Variants in KIF7 observed in about 807,000 individuals in gnomAD.
KIF7 encodes kinesin-like protein KIF7.
Under a neutral mutation model 135.7 loss-of-function variants are expected in KIF7, and 104 were observed. The observed-to-expected ratio is 0.77, with a 90% CI of 0.65 to 0.90. The LOEUF (loss-of-function observed/expected upper bound fraction) is 0.90, where lower values mean the gene tolerates loss of function less well. Ranked by LOEUF, KIF7 falls within the 40% of genes least tolerant of loss-of-function variation. The pLI is 0.00. For synonymous variants in KIF7, 883 were observed against 809.4 expected, an observed-to-expected ratio of 1.09 and a Z score of -1.54; for missense variants, 2,005 against 1,839.1, an observed-to-expected ratio of 1.09 and a Z score of -1.65.
Position 89,633,689 on chromosome 15 carries a change from G to C in KIF7, c.2589C>G (p.Val863=). The change falls in exon 12 of 19, where the codon GTC becomes GTG. Residue 863 remains valine, a synonymous_variant. Coordinates refer to ENST00000394412, the MANE Select transcript of KIF7 (RefSeq NM_198525.3). Reference sequence around the variant, plus strand: ...CCCACCCTGCCGTGAGCCTGACCTTGACGCGGTGCTGCCGCTTGCTCATTT... The same window carrying C: ...CCCACCCTGCCGTGAGCCTGACCTTCACGCGGTGCTGCCGCTTGCTCATTT... ...EAEMSKRQHR[V]KELELKHEQQ... The C allele has an allele frequency of 6.2e-7, 1 of 1,606,798 alleles. No individual in the cohort carries two copies. The highest frequency in any genetic ancestry group is 8.5e-7 in the Non-Finnish European group (1 of 1,179,756).
rs749893989 is a variant in KIF7 at position 89,645,951 on chromosome 15, C to T, written c.1864G>A (p.Ala622Thr). The T allele has an allele frequency of 6.2e-7, 1 of 1,613,898 alleles. No individual in the cohort carries two copies. ...VNRLGSGSSA[A>T]SEEEEEEEEP... ...TCCTCCTCCTCTTCCTCCTCTGAAG[C>T]AGCTGAAGAGCCACTTCCCAGCCTG... Residue 622 changes from alanine (A) to threonine (T), a missense_variant, in exon 8 of 19, where the codon GCT becomes ACT. Physicochemically the swap from Ala to Thr is moderately conservative, Grantham distance 58. Transcript: ENST00000394412.
chr15:89,631,141 AAC>A, intron 15 of KIF7: 1 of 298,936 alleles, frequency 3.3e-6, no homozygotes, highest in South Asian at 5.5e-5. Context: ...CTGCTCAGGG[AAC>A]ACAGATGTGT....
downstream of KIF7, chr15:89,627,084 T>A: frequency 6.2e-7 from 1 of 1,614,022 alleles, no homozygotes; most frequent in Non-Finnish European, 8.5e-7. Flanking sequence ...GGAGGACTTA[T>A]AGCCACAAAC....
In KIF7 at chr15:89,629,136, G is replaced by C; in HGVS notation, c.3518-14C>G. The C allele has an allele frequency of 6.2e-7, 1 of 1,610,848 alleles. No individual in the cohort carries two copies. Among genetic ancestry groups the C allele is most frequent in the Non-Finnish European group, 8.5e-7 (1 of 1,179,524 alleles). On this transcript the variant is annotated splice_polypyrimidine_tract_variant and intron_variant, in intron 17 of 18. Coordinates refer to ENST00000394412, the MANE Select transcript of KIF7 (RefSeq NM_198525.3). ...CACCGAGGTGGTCTAGAGTGGAAAG[G>C]TCGAGGAGAGGGTGGTGAGGGCTGC...
rs142747773 is a variant in KIF7 at position 89,628,272 on chromosome 15, C to A, written c.*147G>T. On this transcript the variant is annotated 3_prime_UTR_variant, in exon 19 of 19. Coordinates refer to ENST00000394412, the MANE Select transcript of KIF7 (RefSeq NM_198525.3). ...GGGTCCAGTTCTTTTGGGCCATGGC[C>A]CAAATTTGTTGATCCCAGTGAGGGT... The A allele has an allele frequency of 3.4e-4, 339 of 1,008,458 alleles. 7 individuals are homozygous for A. In the East Asian group the frequency reaches 8.5e-3, roughly 25 times the overall value. The allele number at this position is 1,008,458 out of a possible 1,614,324, so 62.5% of individuals were successfully genotyped here. A position where few individuals can be genotyped will look rare whatever the true frequency, so the allele number is the denominator to read the frequency against.
chr15:89,621,865 C>T (rs990500044), intron 1 of KIF7, among the ~76,000 whole-genome samples: 5 of 151,948 alleles, frequency 3.3e-5, no homozygotes, highest in African/African-American at 7.3e-5. Flanking sequence ...TCATCTTTTC[C>T]GTTTGATTGC....
intron 18 of KIF7, 50 bp from the exon 19 acceptor site, chr15:89,628,836 C>G: frequency 1.2e-6 from 2 of 1,611,738 alleles, no homozygotes; most frequent in Non-Finnish European, 1.7e-6. Context: ...GCAACACCTT[C>G]CCGAAGCCCT....
rs745496315 is a variant in KIF7, at chr15:89,628,793, T to C, written c.3665-7A>G. On this transcript the variant is annotated splice_polypyrimidine_tract_variant and splice_region_variant and intron_variant, in intron 18 of 18. Transcript: ENST00000394412. ...AGGCTCCTCTTCTCCCCACCTGTCA[T>C]GGAGAGTAACGTGTCCTCATCAGAA... The C allele has an allele frequency of 3.1e-6, 5 of 1,611,706 alleles. No homozygotes were observed. The highest frequency in any genetic ancestry group is 4.2e-6 in the Non-Finnish European group (5 of 1,179,986).
At position 89,631,566 on chromosome 15, in the gene KIF7, TCTC is replaced by T. The variant is rs1567058573; in HGVS notation, c.3037_3039del (p.Glu1013del). ...AGGCGCTGCTTGAGCAGCGAGTCCT[TCTC>T]CTGGCGCAGGCTGTCGATCTCCCCG... On this transcript the variant is annotated inframe_deletion, in exon 15 of 19. Transcript: ENST00000394412. 7 of 1,572,946 alleles carry T rather than the reference TCTC, an allele frequency of 4.5e-6. No homozygotes were observed. Among genetic ancestry groups the T allele is most frequent in the Non-Finnish European group, 6.0e-6 (7 of 1,157,928 alleles).
At chr15:89,647,787 G>T in intron 5 of KIF7, 75 bp from the exon 6 acceptor site, 1 of 1,145,500 alleles carries the variant, frequency 8.7e-7, no homozygotes, top group Non-Finnish European at 1.2e-6. Context: ...TTCTTGTTTA[G>T]CCCTGCTTTC....
chr15:89,630,569 C>A (rs1471290492), intron 15 of KIF7, 76 bp from the exon 16 acceptor site: 4 of 1,238,566 alleles, frequency 3.2e-6, no homozygotes, highest in Non-Finnish European at 4.6e-6. Flanking sequence ...ATGCAACAGC[C>A]AACACGTAGC....
chr15:89,626,087 C>T (rs764779099), downstream of KIF7: 3 of 1,609,032 alleles, frequency 1.9e-6, no homozygotes, highest in South Asian at 2.2e-5. Context: ...GGTCTAGGAC[C>T]CTTTCCTGTG....
At chr15:89,624,367 C>T, downstream of KIF7, 1 of 1,614,036 alleles carries the variant, frequency 6.2e-7, no homozygotes. Flanking sequence ...AGCTGCATCT[C>T]TCTCCTGCCC....
At chr15:89,622,217 C>G (rs1299126760) in intron 1 of KIF7, among the ~76,000 whole-genome samples, 1 of 152,070 alleles carries the variant, frequency 6.6e-6, no homozygotes, top group Non-Finnish European at 1.5e-5. Flanking sequence ...AACTCCTGAC[C>G]TCAAGTGATC....
At position 89,630,518 on chromosome 15, in the gene KIF7, G is replaced by T. The variant is rs368905885; in HGVS notation, c.3112-25C>A. On this transcript the variant is annotated intron_variant, in intron 15 of 18. Transcript: ENST00000394412. ...CCTGCAGAGACGGGCACGCGTGGAG[G>T]AACAGCACCCACTGCCTGAATGCTG... 5.9e-6 allele frequency: 9 copies of T among 1,525,764 alleles called. No homozygotes were observed. In the African/African-American group the frequency reaches 9.6e-5, roughly 16 times the overall value. 94.5% of individuals were successfully genotyped at this position (1,525,764 alleles called of 1,614,324 possible).
chr15:89,651,605 T>C (rs1166090219), intron 2 of KIF7, among the ~76,000 whole-genome samples: 1 of 152,234 alleles, frequency 6.6e-6, no homozygotes, highest in African/African-American at 2.4e-5. Context: ...TTTTGAAAAG[T>C]AAAATAATCT....
Position 89,645,972 on chromosome 15 carries a change from G to A in KIF7, c.1843C>T (p.Leu615=), listed in dbSNP as rs765469300. Residue 615 remains leucine (L), a synonymous_variant, in exon 8 of 19, where the codon CTG becomes TTG. Transcript: ENST00000394412. ...GAELLTEVNR[L]GSGSSAASEE... ...GAAGCAGCTGAAGAGCCACTTCCCA[G>A]CCTGTTCACCTCAGTCAGCAACTCA... 6.2e-7 allele frequency: 1 copy of A among 1,613,774 alleles called. No homozygotes were observed. The highest frequency in any genetic ancestry group is 1.3e-5 in the African/African-American group (1 of 74,898).
rs531366745 is a variant in KIF7 at position 89,646,883 on chromosome 15, C to A, written c.1735G>T (p.Val579Leu). 1.9e-6 allele frequency: 3 copies of A among 1,614,102 alleles called. No homozygotes were observed. The highest frequency in any genetic ancestry group is 2.2e-5 in the East Asian group (1 of 44,868). The stretch of plus-strand genomic sequence containing the variant: ...TCTCCAGGGAGGCAGGCAGGCGGCA[C>A]CATGCCCAGCACATGGGCGTGGGCA... ...GGAHAHVLGM[V>L]PPACLPGDEV... The change falls in exon 7 of 19, where the codon GTG (valine) becomes TTG (leucine). Residue 579 changes from valine to leucine, a missense_variant. Coordinates refer to ENST00000394412, the MANE Select transcript of KIF7 (RefSeq NM_198525.3).
chr15:89,648,449 C>T lies in KIF7; in HGVS notation c.1249G>A (p.Asp417Asn). Residue 417 changes from aspartate (D) to asparagine (N), a missense_variant, in exon 5 of 19, where the codon GAC (aspartate) becomes AAC (asparagine). Asp to Asn is a conservative substitution (Grantham distance 23, BLOSUM62 1). Transcript: ENST00000394412. ...AECARYRACTDAAYSLLRELQ... is the reference protein window; with the variant it reads ...AECARYRACTNAAYSLLRELQ... The stretch of plus-strand genomic sequence containing the variant: ...TCGCGCAAGAGGCTGTAGGCGGCGT[C>T]GGTGCAGGCCCGGTAGCGCGCGCAC... 12 of 1,089,110 alleles carry T rather than the reference C, an allele frequency of 1.1e-5. No individual in the cohort carries two copies. Among genetic ancestry groups the T allele is most frequent in the Non-Finnish European group, 1.2e-5 (11 of 896,334 alleles). The allele number at this position is 1,089,110 out of a possible 1,614,324, so 67.5% of individuals were successfully genotyped here.
Sources: gnomAD v4.1 joint callset for allele counts (sites outside exome capture counted in the v4.1 genomes callset) on GRCh38, gnomAD v4.1.1 for gene constraint, MANE v1.5 for transcripts, NCBI Gene and HGNC (gene_info 2026-07-23, HGNC 2026-07-21) for gene names.